ZDHHC11B: variants seen among roughly 807,000 people sequenced by gnomAD.
ZDHHC11B encodes probable palmitoyltransferase ZDHHC11B.
A neutral mutation model predicts 42.3 loss-of-function variants in ZDHHC11B; 17 were observed. The observed-to-expected ratio is 0.40, with a 90% CI of 0.27 to 0.60. ZDHHC11B has a LOEUF of 0.60. ZDHHC11B is among the 20% of genes least tolerant of loss of function. The pLI, the probability that ZDHHC11B is intolerant of heterozygous loss-of-function variation, is 0.41. For synonymous variants in ZDHHC11B, 123 were observed against 193.5 expected, an observed-to-expected ratio of 0.64 and a Z score of 3.02; for missense variants, 262 against 463.2, an observed-to-expected ratio of 0.57 and a Z score of 3.99.
chr5:713,946 A>G (rs1741554698), intron 13 of ZDHHC11B, among the ~76,000 whole-genome samples: 2 of 132,932 alleles, frequency 1.5e-5, no homozygotes, highest in African/African-American at 2.7e-5. Flanking sequence ...GAAGTTGACC[A>G]GGTTTCACAA....
intron 11 of ZDHHC11B, among the ~76,000 whole-genome samples, chr5:733,331 T>C (rs1321272995): frequency 6.6e-6 from 1 of 151,768 alleles, no homozygotes. Context: ...TTCCCATCTG[T>C]CTCCCACACA....
chr5:745,417 T>G lies in ZDHHC11B; in HGVS notation c.785-119A>C, dbSNP rs566617393. On this transcript the variant is annotated intron_variant, in intron 8 of 13. Coordinates refer to ENST00000508859, the MANE Select transcript of ZDHHC11B (RefSeq NM_001351303.2). ...GATCCGGCCCCTGCACAGGGAGAAC[T>G]GCTCCGCCCACCATGCAGGCCCTGT... 9 of 864,804 alleles carry G rather than the reference T, an allele frequency of 1.0e-5. 1 individual carries two copies. Among genetic ancestry groups the G allele is most frequent in the Non-Finnish European group, 1.6e-5 (9 of 549,720 alleles). 53.6% of individuals were successfully genotyped at this position (864,804 alleles called of 1,614,324 possible). A position where few individuals can be genotyped will look rare whatever the true frequency, so the allele number is the denominator to read the frequency against.
At chr5:775,224 T>C (rs1736375904) in intron 1 of ZDHHC11B, among the ~76,000 whole-genome samples, 1 of 152,034 alleles carries the variant, frequency 6.6e-6, no homozygotes, top group East Asian at 1.9e-4. Context: ...CTCTGACAGC[T>C]CCACCTGCTC....
chr5:718,939 T>C (rs1398789576), intron 12 of ZDHHC11B, among the ~76,000 whole-genome samples: 12 of 151,756 alleles, frequency 7.9e-5, no homozygotes, highest in Non-Finnish European at 1.5e-4. Flanking sequence ...TACAGAGGCT[T>C]GCCTTGGTTT....
intron 12 of ZDHHC11B, among the ~76,000 whole-genome samples, chr5:719,444 T>G (rs1248325751): frequency 8.6e-5 from 13 of 151,538 alleles, no homozygotes; most frequent in Middle Eastern, 3.2e-3. Context: ...AAATTACATA[T>G]GAGCAAATTA....
At chr5:732,484 G>A (rs2277062) in intron 11 of ZDHHC11B, 46,954 of 327,320 alleles carry the variant, frequency 0.14, 3,852 homozygotes, top group Non-Finnish European at 0.19. Context: ...AGTCTGGGCG[G>A]GGGTGGGCTG....
chr5:766,894 C>G lies in ZDHHC11B; in HGVS notation c.26G>C (p.Cys9Ser). 2 of 1,612,410 alleles carry G rather than the reference C, an allele frequency of 1.2e-6. No individual in the cohort carries two copies. The highest frequency in any genetic ancestry group is 1.7e-6 in the Non-Finnish European group (2 of 1,179,172). The stretch of plus-strand genomic sequence containing the variant: ...GCGTATGGCTTCTGGGGTGACGGAA[C>G]ACTGGCTCCCGGAGCGGGTGTCCAT... MDTRSGSQ[C>S]SVTPEAIRNN... Residue 9 changes from cysteine to serine, a missense_variant, in exon 4 of 14, where the codon TGT becomes TCT. Coordinates refer to ENST00000508859, the MANE Select transcript of ZDHHC11B (RefSeq NM_001351303.2).
intron 4 of ZDHHC11B, 81 bp downstream of exon 4, chr5:766,617 G>A (rs1275390534): frequency 2.1e-6 from 3 of 1,430,184 alleles, no homozygotes; most frequent in Admixed American, 4.0e-5. Flanking sequence ...GGCAGCCATG[G>A]CCCAGACCCC....
At chr5:742,320 T>A (rs10549152) in intron 9 of ZDHHC11B, among the ~76,000 whole-genome samples, 2 of 145,652 alleles carry the variant, frequency 1.4e-5, no homozygotes, top group Admixed American at 7.2e-5. Flanking sequence ...TCTGTTTGTT[T>A]ATGTTTTTGT....
chr5:764,624 C>T (rs868482696), intron 4 of ZDHHC11B, among the ~76,000 whole-genome samples: 15 of 151,912 alleles, frequency 9.9e-5, no homozygotes, highest in Middle Eastern at 3.2e-3. Flanking sequence ...ACCTGCAGCC[C>T]GCCATGCCTG....
At chr5:719,223 C>T (rs1314021389) in intron 12 of ZDHHC11B, among the ~76,000 whole-genome samples, 3 of 151,646 alleles carry the variant, frequency 2.0e-5, no homozygotes, top group Non-Finnish European at 2.9e-5. Context: ...AGAGATACCA[C>T]ATTATGATAC....
rs1258373458 is a variant in ZDHHC11B, at chr5:763,386, AAGAAG to A, written c.222+3307_222+3311del. Among the ~76,000 whole-genome samples the A allele has an allele frequency of 5.3e-4, 50 of 94,488 alleles. No homozygotes were observed. The East Asian group carries it at 6.9e-3, about 13-fold the overall frequency. 62.0% of individuals were successfully genotyped at this position (94,488 alleles called of 152,430 possible). ...CTCCCATCTCGGGAAAAAAAAAAAAAAGAAGAAGAAGAAGAAAAATACAACCTATG... is the reference window on the plus strand; with the variant it reads ...CTCCCATCTCGGGAAAAAAAAAAAAAAAGAAGAAGAAAAATACAACCTATG... On this transcript the variant is annotated intron_variant, in intron 4 of 13. Coordinates refer to ENST00000508859, the MANE Select transcript of ZDHHC11B (RefSeq NM_001351303.2).
chr5:737,429 G>T (rs1743659567), intron 10 of ZDHHC11B, among the ~76,000 whole-genome samples: 1 of 149,168 alleles, frequency 6.7e-6, no homozygotes, highest in Admixed American at 6.8e-5. Flanking sequence ...AGATAAGAGG[G>T]AATCGTCCAT....
At chr5:732,405 G>A in intron 11 of ZDHHC11B, 1 of 303,816 alleles carries the variant, frequency 3.3e-6, no homozygotes, top group Middle Eastern at 4.1e-4. Context: ...GTGTCAACGT[G>A]GACAATCGCA....
chr5:743,000 A>C (rs1484332801), intron 9 of ZDHHC11B, among the ~76,000 whole-genome samples: 1 of 149,856 alleles, frequency 6.7e-6, no homozygotes, highest in African/African-American at 2.4e-5. Context: ...ATTTGGGGCT[A>C]ATTCTTCTGT....
intron 9 of ZDHHC11B, among the ~76,000 whole-genome samples, chr5:742,376 C>T (rs1744260134): frequency 6.9e-6 from 1 of 145,644 alleles, no homozygotes; most frequent in African/African-American, 2.5e-5. Context: ...CTCTTTGTGT[C>T]TTTGTGTATT....
Position 760,345 on chromosome 5 carries a change from CATCTTT to C in ZDHHC11B, c.223-4207_223-4202del, listed in dbSNP as rs1734434780. Among the ~76,000 whole-genome samples, 7 of 151,834 alleles carry C rather than the reference CATCTTT, an allele frequency of 4.6e-5. 2 individuals carry two copies. In the South Asian group the frequency reaches 1.5e-3, roughly 32 times the overall value. ...GGGTAGGCCCTACTCCAATGACTGG[CATCTTT>C]ACAAAAACGGGAACCCAACGGCAGC... On this transcript the variant is annotated intron_variant, in intron 4 of 13. Coordinates refer to ENST00000508859, the MANE Select transcript of ZDHHC11B (RefSeq NM_001351303.2).
At chr5:746,063 G>A (rs1464326869) in intron 8 of ZDHHC11B, among the ~76,000 whole-genome samples, 2 of 149,670 alleles carry the variant, frequency 1.3e-5, no homozygotes, top group African/African-American at 4.9e-5. Flanking sequence ...GGGAAGCAAA[G>A]CAAAACCTGA....
chr5:730,647 G>A (rs1238226347), intron 11 of ZDHHC11B, among the ~76,000 whole-genome samples, 179 bp from the exon 12 acceptor site: 1 of 151,704 alleles, frequency 6.6e-6, no homozygotes. Context: ...CCCAATCCTT[G>A]TATTATGGGC....
Sources: allele counts gnomAD v4.1 joint callset (sites outside exome capture counted in the v4.1 genomes callset), GRCh38; gene constraint gnomAD v4.1.1; transcripts MANE v1.5; gene names NCBI Gene and HGNC (gene_info 2026-07-23, HGNC 2026-07-21).